The following TRAF6 variants were observed in gnomAD, a reference collection of about 807,000 sequenced individuals.
TRAF6 encodes the protein TNF receptor-associated factor 6.
In TRAF6, 10 loss-of-function variants were observed where a neutral mutation model predicts 48.4. That is an observed-to-expected ratio of 0.21 (90% CI 0.13 to 0.35). The LOEUF (loss-of-function observed/expected upper bound fraction) is 0.35, where lower values mean the gene tolerates loss of function less well. Among genes scored for constraint, TRAF6 ranks in the 10% least tolerant of loss-of-function variants. The probability of loss-of-function intolerance (pLI) is 1.00; values close to 1 mark genes in which losing one functional copy is unlikely to be tolerated. For missense variants in TRAF6, 397 were observed against 661.0 expected (o/e 0.60, Z 4.38); for synonymous variants, 186 against 219.6 (o/e 0.85, Z 1.35).
intron 3 of TRAF6, 138 bp downstream of exon 3, chr11:36,498,352 G>A: frequency 1.5e-6 from 1 of 653,466 alleles, no homozygotes; most frequent in South Asian, 2.9e-5. Context: ...TAAAGGGTTG[G>A]CATTAATTCA....
chr11:36,509,587 G>T (rs1386734415), intron 1 of TRAF6, among the ~76,000 whole-genome samples: 1 of 152,168 alleles, frequency 6.6e-6, no homozygotes, highest in Non-Finnish European at 1.5e-5. Context: ...AACTGCAGGA[G>T]GCAATTTCCT....
chr11:36,506,872 GT>G (rs765546527), intron 1 of TRAF6, among the ~76,000 whole-genome samples: 33 of 151,998 alleles, frequency 2.2e-4, no homozygotes, highest in Non-Finnish European at 3.8e-4. Flanking sequence ...ACAGTATTTA[GT>G]TTCATGTAAC....
intron 1 of TRAF6, among the ~76,000 whole-genome samples, chr11:36,509,338 G>C (rs1363005997): frequency 6.6e-6 from 1 of 152,074 alleles, no homozygotes; most frequent in Non-Finnish European, 1.5e-5. Flanking sequence ...CAAATACTAG[G>C]AACAGCTTTA....
chr11:36,503,079 C>T (rs1307292676), intron 1 of TRAF6, among the ~76,000 whole-genome samples: 1 of 152,192 alleles, frequency 6.6e-6, no homozygotes, highest in Non-Finnish European at 1.5e-5. Flanking sequence ...CCCACGTCTA[C>T]CTGACCTTGG....
chr11:36,489,876 C>A lies in TRAF6; in HGVS notation c.1531G>T (p.Glu511Ter). The change falls in exon 7 of 7, where the codon GAG becomes TAG. Residue 511 changes from glutamate to a stop codon, truncating the protein, a stop_gained. Coordinates refer to ENST00000526995, the MANE Select transcript of TRAF6 (RefSeq NM_004620.4). LOFTEE classifies it high-confidence loss of function. ...TRFDMGSLRR[E>*]GFQPRSTDAG... ...TCAGTACTTCGTGGCTGAAAACCCT[C>A]CCTCCGAAGGCTACCCATGTCAAAG... The A allele has an allele frequency of 6.2e-7, 1 of 1,614,112 alleles. No homozygotes were observed. Among genetic ancestry groups the A allele is most frequent in the Non-Finnish European group, 8.5e-7 (1 of 1,179,982 alleles).
intron 1 of TRAF6, among the ~76,000 whole-genome samples, chr11:36,502,770 A>T (rs1859734414): frequency 6.6e-6 from 1 of 151,904 alleles, no homozygotes. Flanking sequence ...TACGAATTTA[A>T]CTCTTTTCTT....
chr11:36,500,002 T>C (rs566637288), intron 2 of TRAF6, among the ~76,000 whole-genome samples: 1 of 152,364 alleles, frequency 6.6e-6, no homozygotes, highest in East Asian at 1.9e-4. Flanking sequence ...AAATTGCAAG[T>C]ACTTTCATTC....
chr11:36,506,420 A>T (rs1859785200), intron 1 of TRAF6, among the ~76,000 whole-genome samples: 2 of 149,518 alleles, frequency 1.3e-5, no homozygotes, highest in Non-Finnish European at 3.0e-5. Flanking sequence ...GTCTTGAACC[A>T]TTTTTTTTTT....
intron 5 of TRAF6, among the ~76,000 whole-genome samples, chr11:36,492,996 C>T (rs1021181188): frequency 6.6e-6 from 1 of 152,180 alleles, no homozygotes; most frequent in Admixed American, 6.5e-5. Flanking sequence ...TTAATAGGAA[C>T]CAGTCAACTG....
At chr11:36,495,072 T>C in intron 4 of TRAF6, 25 bp from the exon 5 acceptor site, 1 of 1,532,164 alleles carries the variant, frequency 6.5e-7, no homozygotes, top group Non-Finnish European at 8.9e-7. Flanking sequence ...AGAAATATAA[T>C]TAAAGCATGA....
chr11:36,509,302 T>C (rs934157078), intron 1 of TRAF6, among the ~76,000 whole-genome samples: 1 of 152,222 alleles, frequency 6.6e-6, no homozygotes, highest in African/African-American at 2.4e-5. Flanking sequence ...AAGACAGTCC[T>C]AACTCAGCTG....
rs568426491 is a variant in TRAF6, at chr11:36,499,372, C to T, written c.297-732G>A. On this transcript the variant is annotated intron_variant, in intron 2 of 6. Coordinates refer to ENST00000526995, the MANE Select transcript of TRAF6 (RefSeq NM_004620.4). ...TTTCAGAGCAGTTCCTTTAAGAACA[C>T]TGGGGCTAAGTGTTCATTTTTAAAA... 2.6e-5 allele frequency among the ~76,000 whole-genome samples: 4 copies of T among 151,916 alleles called. No individual in the cohort carries two copies. In the South Asian group the frequency reaches 8.3e-4, roughly 32 times the overall value.
intron 5 of TRAF6, among the ~76,000 whole-genome samples, chr11:36,493,373 G>A (rs962390084): frequency 6.6e-6 from 1 of 152,184 alleles, no homozygotes; most frequent in Non-Finnish European, 1.5e-5. Context: ...TTTCTCAAGA[G>A]GGAACAGTGT....
intron 1 of TRAF6, among the ~76,000 whole-genome samples, chr11:36,503,399 C>T (rs1175931463): frequency 6.6e-6 from 1 of 151,968 alleles, no homozygotes; most frequent in Non-Finnish European, 1.5e-5. Flanking sequence ...GTTCTCCCGC[C>T]TCAGCCTCCC....
chr11:36,501,983 A>G (rs930083503), intron 1 of TRAF6, among the ~76,000 whole-genome samples: 1 of 152,202 alleles, frequency 6.6e-6, no homozygotes, highest in Non-Finnish European at 1.5e-5. Context: ...AGTGTTCACT[A>G]AGCATCGCTA....
chr11:36,507,809 A>G (rs1053282276), intron 1 of TRAF6, among the ~76,000 whole-genome samples: 5 of 142,382 alleles, frequency 3.5e-5, no homozygotes, highest in Admixed American at 6.9e-5. Context: ...GTGTATATAT[A>G]CACATATATA....
At chr11:36,503,434 GC>G (rs1859744646) in intron 1 of TRAF6, among the ~76,000 whole-genome samples, 1 of 151,804 alleles carries the variant, frequency 6.6e-6, no homozygotes, top group Non-Finnish European at 1.5e-5. Flanking sequence ...ACAGGCGCCC[GC>G]CACCACGCCC....
At chr11:36,503,950 TTA>T (rs1416619434) in intron 1 of TRAF6, among the ~76,000 whole-genome samples, 2 of 152,218 alleles carry the variant, frequency 1.3e-5, no homozygotes, top group Non-Finnish European at 2.9e-5. Context: ...CCATACAAAG[TTA>T]TGTTTACACT....
intron 1 of TRAF6, among the ~76,000 whole-genome samples, chr11:36,505,374 T>A (rs1859771074): frequency 6.6e-6 from 1 of 152,254 alleles, no homozygotes; most frequent in African/African-American, 2.4e-5. Flanking sequence ...CACTTTTATG[T>A]TACGGAGATG....
Sources: allele counts gnomAD v4.1 joint callset (sites outside exome capture counted in the v4.1 genomes callset), GRCh38; gene constraint gnomAD v4.1.1; transcripts MANE v1.5; gene names NCBI Gene and HGNC (gene_info 2026-07-23, HGNC 2026-07-21).